FHIT: variants seen among roughly 807,000 people sequenced by gnomAD.
FHIT encodes bis(5'-adenosyl)-triphosphatase.
A neutral mutation model predicts 17.9 loss-of-function variants in FHIT; 19 were observed. The observed-to-expected ratio is 1.06, with a 90% confidence interval of 0.74 to 1.56. The LOEUF (loss-of-function observed/expected upper bound fraction) is 1.56, where lower values mean the gene tolerates loss of function less well. Ranked by LOEUF, FHIT falls within the 40% of genes most tolerant of loss-of-function variation. The pLI, the probability that FHIT is intolerant of heterozygous loss-of-function variation, is 0.00. For missense variants in FHIT, 248 were observed against 189.2 expected (o/e 1.31, Z -1.82); for synonymous variants, 81 against 69.7 (o/e 1.16, Z -0.81).
At chr3:60,333,181 A>G (rs1404229136) in intron 5 of FHIT, among the ~76,000 whole-genome samples, 3 of 152,220 alleles carry the variant, frequency 2.0e-5, no homozygotes, top group African/African-American at 7.2e-5. Flanking sequence ...CTGTTATCCA[A>G]TGCTGAACAA....
intron 4 of FHIT, among the ~76,000 whole-genome samples, chr3:60,768,026 A>C (rs925797154): frequency 1.1e-4 from 16 of 152,194 alleles, no homozygotes; most frequent in Non-Finnish European, 5.9e-5. Context: ...AGAAGGAAAA[A>C]AATAAAGCCT....
At chr3:59,888,560 T>C (rs1575646930) in intron 8 of FHIT, among the ~76,000 whole-genome samples, 1 of 152,188 alleles carries the variant, frequency 6.6e-6, no homozygotes, top group South Asian at 2.1e-4. Context: ...GTGAAATATA[T>C]GGGAAAAAAT....
intron 3 of FHIT, among the ~76,000 whole-genome samples, chr3:61,006,418 T>C (rs1201460867): frequency 6.6e-6 from 1 of 152,120 alleles, no homozygotes; most frequent in Admixed American, 6.5e-5. Context: ...AAAGCAAAAT[T>C]ATCCATGAAA....
At chr3:60,418,410 ATATATATATATATATACGTG>A (rs1702339902) in intron 5 of FHIT, among the ~76,000 whole-genome samples, 1 of 91,078 alleles carries the variant, frequency 1.1e-5, no homozygotes, top group Non-Finnish European at 2.2e-5. Context: ...ATATATATAT[ATATATATATATATATACGTG>A]TATACACACA....
At chr3:61,105,433 C>T (rs1221237715) in intron 2 of FHIT, among the ~76,000 whole-genome samples, 1 of 152,102 alleles carries the variant, frequency 6.6e-6, no homozygotes, top group Non-Finnish European at 1.5e-5. Flanking sequence ...GCTTTATTTT[C>T]ACTAAGTCTA....
intron 8 of FHIT, among the ~76,000 whole-genome samples, chr3:59,792,772 T>C (rs888479897): frequency 6.6e-6 from 1 of 151,786 alleles, no homozygotes; most frequent in African/African-American, 2.4e-5. Flanking sequence ...GGAATGAACA[T>C]CTCAAACATA....
chr3:60,214,913 G>A (rs1703628406), intron 5 of FHIT, among the ~76,000 whole-genome samples: 1 of 152,034 alleles, frequency 6.6e-6, no homozygotes, highest in South Asian at 2.1e-4. Flanking sequence ...AACTAACACA[G>A]GAACAGGAAA....
intron 5 of FHIT, among the ~76,000 whole-genome samples, chr3:60,046,131 G>A (rs1025907855): frequency 6.6e-6 from 1 of 152,176 alleles, no homozygotes. Context: ...GGTCATATGT[G>A]TAAAACGAAA....
chr3:59,938,342 A>C (rs6802153), intron 7 of FHIT, among the ~76,000 whole-genome samples: 34,513 of 152,120 alleles, frequency 0.23, 3,966 homozygotes, highest in Middle Eastern at 0.3. Flanking sequence ...GTGGAATCTT[A>C]AAGTAAAATA....
intron 4 of FHIT, among the ~76,000 whole-genome samples, chr3:60,672,492 G>A (rs1407918788): frequency 6.6e-6 from 1 of 152,154 alleles, no homozygotes; most frequent in African/African-American, 2.4e-5. Flanking sequence ...TTAAGGCAAG[G>A]ACCAGCCATT....
At chr3:60,776,944 C>T (rs935214168) in intron 4 of FHIT, among the ~76,000 whole-genome samples, 4 of 152,198 alleles carry the variant, frequency 2.6e-5, no homozygotes, top group African/African-American at 9.7e-5. Context: ...ATACTGACTA[C>T]ATTCAACCAA....
chr3:59,812,717 TA>T (rs1700451743), intron 8 of FHIT, among the ~76,000 whole-genome samples: 1 of 152,202 alleles, frequency 6.6e-6, no homozygotes, highest in Non-Finnish European at 1.5e-5. Flanking sequence ...ACTTTGTTGT[TA>T]ATCCTCTAAG....
intron 4 of FHIT, among the ~76,000 whole-genome samples, chr3:60,803,416 C>T (rs115421252): frequency 2.2e-3 from 330 of 152,300 alleles, no homozygotes; most frequent in Non-Finnish European, 3.8e-3. Context: ...GGATGGGGGA[C>T]ACTTTCTCAG....
intron 4 of FHIT, among the ~76,000 whole-genome samples, chr3:60,705,809 C>T (rs1553703410): frequency 6.6e-6 from 1 of 152,176 alleles, no homozygotes; most frequent in Admixed American, 6.5e-5. Flanking sequence ...ATCTCTCCAG[C>T]TGTCCTCCAC....
At chr3:60,294,755 T>C (rs1708134478) in intron 5 of FHIT, among the ~76,000 whole-genome samples, 1 of 152,162 alleles carries the variant, frequency 6.6e-6, no homozygotes, top group African/African-American at 2.4e-5. Context: ...TATACTTTTG[T>C]CATTTTAAGG....
intron 5 of FHIT, among the ~76,000 whole-genome samples, chr3:60,364,821 T>C (rs373593962): frequency 2.0e-5 from 3 of 152,108 alleles, no homozygotes; most frequent in African/African-American, 7.2e-5. Flanking sequence ...AACAAAAAGG[T>C]AGAGGAAGGG....
chr3:60,618,950 G>C (rs1207488031), intron 4 of FHIT, among the ~76,000 whole-genome samples: 1 of 150,274 alleles, frequency 6.7e-6, no homozygotes, highest in African/African-American at 2.5e-5. Context: ...TCCCCTAAAG[G>C]CCCCAAAAAG....
intron 8 of FHIT, among the ~76,000 whole-genome samples, chr3:59,754,216 G>A (rs1701079365): frequency 6.6e-6 from 1 of 152,122 alleles, no homozygotes; most frequent in Non-Finnish European, 1.5e-5. Flanking sequence ...TGGTAAGTAA[G>A]TTTGAGCCTA....
chr3:60,267,501 T>C (rs572460626), intron 5 of FHIT, among the ~76,000 whole-genome samples: 1 of 152,252 alleles, frequency 6.6e-6, no homozygotes, highest in African/African-American at 2.4e-5. Context: ...GTAGGTAAAG[T>C]ATTTAACTTT....
Sources: allele counts gnomAD v4.1 joint callset (sites outside exome capture counted in the v4.1 genomes callset), GRCh38; gene constraint gnomAD v4.1.1; transcripts MANE v1.5; gene names NCBI Gene and HGNC (gene_info 2026-07-23, HGNC 2026-07-21).